The following CSMD3 variants were observed in gnomAD, a reference collection of about 807,000 sequenced individuals.
The protein encoded by CSMD3 is CUB and Sushi multiple domains 3, also known as CUB and sushi domain-containing protein 3.
CSMD3 carries 177 observed loss-of-function variants against 435.2 expected under a neutral mutation model. That is an observed-to-expected ratio of 0.41 (90% CI 0.36 to 0.46). The LOEUF is 0.46. CSMD3 is among the 20% of genes least tolerant of loss of function. The probability of loss-of-function intolerance (pLI) is 0.34; values close to 1 mark genes in which losing one functional copy is unlikely to be tolerated. For missense variants in CSMD3, 4,265 were observed against 4,504.6 expected (o/e 0.95, Z 1.52); for synonymous variants, 1,656 against 1,520.5 (o/e 1.09, Z -2.07).
chr8:112,370,082 A>AAGAAGAAGAAGTAGT (rs1285510394), intron 38 of CSMD3, among the ~76,000 whole-genome samples: 18 of 103,534 alleles, frequency 1.7e-4, no homozygotes, highest in Admixed American at 2.9e-4. Flanking sequence ...GAAGAAGAAG[A>AAGAAGAAGAAGTAGT]AGTAGTAGTA....
At chr8:112,508,112 C>T (rs1474616302) in intron 28 of CSMD3, among the ~76,000 whole-genome samples, 1 of 152,054 alleles carries the variant, frequency 6.6e-6, no homozygotes, top group Non-Finnish European at 1.5e-5. Flanking sequence ...TCACATAATC[C>T]CTCTCCCTTA....
At chr8:113,041,188 A>AGAGT (rs2087594740) in intron 5 of CSMD3, among the ~76,000 whole-genome samples, 1 of 119,372 alleles carries the variant, frequency 8.4e-6, no homozygotes, top group Non-Finnish European at 1.6e-5. Context: ...CCTGGGTAAG[A>AGAGT]GAGTGAGACT....
rs2130988033 is a variant in CSMD3 at position 112,517,087 on chromosome 8, C to A, written c.4703G>T (p.Cys1568Phe). 1.2e-6 allele frequency: 2 copies of A among 1,613,876 alleles called. No homozygotes were observed. Among genetic ancestry groups the A allele is most frequent in the Non-Finnish European group, 1.7e-6 (2 of 1,179,906 alleles). Reference sequence around the variant, plus strand: ...GAAGTACCGATTTTCTACCTGAATGCAGGTTATTCTTTCCTCTCCTTGAAG... The same window carrying A: ...GAAGTACCGATTTTCTACCTGAATGAAGGTTATTCTTTCCTCTCCTTGAAG... ...YELQGEERIT[C>F]IQVENRYFWQ... is the part of the protein sequence containing the mutation. The change falls in exon 28 of 71, where the codon TGC becomes TTC. Residue 1568 changes from cysteine to phenylalanine, a missense_variant. This residue lies in a region of CSMD3 where 3,255 missense variants were observed against 3,380.2 expected (regional missense o/e 0.96). Coordinates refer to ENST00000297405, the MANE Select transcript of CSMD3 (RefSeq NM_198123.2).
At chr8:113,418,436 A>G (rs551596081) in intron 1 of CSMD3, among the ~76,000 whole-genome samples, 2 of 152,298 alleles carry the variant, frequency 1.3e-5, no homozygotes, top group Admixed American at 6.5e-5. Context: ...AGTAAAATAT[A>G]TAGTTGGAGT....
At chr8:112,304,263 T>G (rs1440905307) in intron 52 of CSMD3, among the ~76,000 whole-genome samples, 2 of 152,136 alleles carry the variant, frequency 1.3e-5, no homozygotes, top group Non-Finnish European at 2.9e-5. Context: ...AGAATAAACA[T>G]GATATAACAT....
Position 112,430,435 on chromosome 8 carries a change from G to A in CSMD3, c.5396-21403C>T, listed in dbSNP as rs1261071792. Among the ~76,000 whole-genome samples, 10 of 151,986 alleles carry A rather than the reference G, an allele frequency of 6.6e-5. 1 individual carries two copies. The South Asian group carries it at 1.7e-3, about 25-fold the overall frequency. On this transcript the variant is annotated intron_variant, in intron 32 of 70. Coordinates refer to ENST00000297405, the MANE Select transcript of CSMD3 (RefSeq NM_198123.2). Reference sequence around the variant, plus strand: ...ATCACTATATATGCCAGATACTGACGGCAGGCCTGAAGCATGTGCGAATCC... The same window carrying A: ...ATCACTATATATGCCAGATACTGACAGCAGGCCTGAAGCATGTGCGAATCC...
chr8:112,440,765 C>T (rs1347958993), intron 32 of CSMD3, among the ~76,000 whole-genome samples: 1 of 152,130 alleles, frequency 6.6e-6, no homozygotes, highest in Non-Finnish European at 1.5e-5. Flanking sequence ...AGCAATGGCC[C>T]AGGCTATACC....
intron 21 of CSMD3, among the ~76,000 whole-genome samples, chr8:112,637,370 T>C (rs1013604658): frequency 6.6e-5 from 10 of 150,398 alleles, no homozygotes; most frequent in Non-Finnish European, 1.3e-4. Flanking sequence ...CAAAATAACA[T>C]TTGAAATGAA....
intron 12 of CSMD3, among the ~76,000 whole-genome samples, chr8:112,816,476 C>G (rs2079378549): frequency 6.6e-6 from 1 of 152,230 alleles, no homozygotes; most frequent in Non-Finnish European, 1.5e-5. Context: ...AAAATATCAC[C>G]TTTCGCCATA....
intron 66 of CSMD3, among the ~76,000 whole-genome samples, chr8:112,241,263 T>A (rs1231637455): frequency 6.6e-6 from 1 of 152,050 alleles, no homozygotes; most frequent in Non-Finnish European, 1.5e-5. Context: ...AAAGTTTATG[T>A]TTTTATTGAT....
intron 24 of CSMD3, among the ~76,000 whole-genome samples, chr8:112,562,898 A>G (rs1161702600): frequency 6.6e-6 from 1 of 151,768 alleles, no homozygotes; most frequent in East Asian, 2.0e-4. Flanking sequence ...TAGCTAACAT[A>G]CTTTCCCAAT....
chr8:112,380,378 G>A lies in CSMD3; in HGVS notation c.6110C>T (p.Ala2037Val). ...LNFQSDISVS[A>V]AGFHLEYTAI... is the part of the protein sequence containing the mutation. ...TGTGTATTCAAGATGAAATCCTGCA[G>A]CAGAAACACTGATGTCTGATTGAAA... Residue 2037 changes from alanine to valine, a missense_variant, in exon 38 of 71, where the codon GCT becomes GTT. By Grantham distance (64) the Ala-to-Val change is moderately conservative (BLOSUM62 0). Around this residue, in one of 3 missense-constraint regions of CSMD3, gnomAD observed 3,255 missense variants for 3,380.2 expected, o/e 0.96. Coordinates refer to ENST00000297405, the MANE Select transcript of CSMD3 (RefSeq NM_198123.2). 6.3e-7 allele frequency: 1 copy of A among 1,590,210 alleles called. No homozygotes were observed. Among genetic ancestry groups the A allele is most frequent in the Non-Finnish European group, 8.6e-7 (1 of 1,158,670 alleles).
At chr8:112,754,456 G>A (rs1226930885) in intron 13 of CSMD3, among the ~76,000 whole-genome samples, 1 of 151,776 alleles carries the variant, frequency 6.6e-6, no homozygotes, top group Non-Finnish European at 1.5e-5. Flanking sequence ...TCTCCCAGCA[G>A]TAATTTCAAG....
intron 13 of CSMD3, among the ~76,000 whole-genome samples, chr8:112,759,919 TG>T (rs2077796142): frequency 6.6e-6 from 1 of 152,146 alleles, no homozygotes; most frequent in African/African-American, 2.4e-5. Flanking sequence ...GTACTTTAAA[TG>T]TGCTTCTTTC....
At chr8:112,549,223 G>A (rs1198793379) in intron 27 of CSMD3, among the ~76,000 whole-genome samples, 2 of 151,786 alleles carry the variant, frequency 1.3e-5, no homozygotes, top group Admixed American at 6.6e-5. Context: ...AAATTAAGCC[G>A]CTCTCTGACA....
chr8:113,204,465 AG>A (rs2092749400), intron 3 of CSMD3, among the ~76,000 whole-genome samples: 1 of 152,142 alleles, frequency 6.6e-6, no homozygotes, highest in Admixed American at 6.6e-5. Flanking sequence ...AAAGTAAAAA[AG>A]TTATACTAAA....
In CSMD3 at chr8:113,397,821, AAAATAAATAAATAAATAAATAAAT is replaced by A. The variant is rs10615805; in HGVS notation, c.178+38832_178+38855del. On this transcript the variant is annotated intron_variant, in intron 1 of 70. Transcript: ENST00000297405. The stretch of plus-strand genomic sequence containing the variant: ...CGCGAAGGAGCGAGAGTCCGTCTCA[AAAATAAATAAATAAATAAATAAAT>A]AAATAAATAAATAAATAAATAAAGA... Among the ~76,000 whole-genome samples the A allele has an allele frequency of 2.5e-3, 364 of 143,142 alleles. 2 individuals are homozygous for A. Among genetic ancestry groups the A allele is most frequent in the African/African-American group, 8.9e-3 (346 of 38,696 alleles). 93.9% of individuals were successfully genotyped at this position (143,142 alleles called of 152,430 possible). A position where few individuals can be genotyped will look rare whatever the true frequency, so the allele number is the denominator to read the frequency against.
chr8:112,874,200 T>G (rs980908375), intron 10 of CSMD3, among the ~76,000 whole-genome samples: 1 of 152,212 alleles, frequency 6.6e-6, no homozygotes, highest in Non-Finnish European at 1.5e-5. Flanking sequence ...TTGTTCAGTT[T>G]CCATGTAGTT....
chr8:113,021,416 T>C (rs1248174387), intron 5 of CSMD3, among the ~76,000 whole-genome samples: 2 of 152,222 alleles, frequency 1.3e-5, no homozygotes, highest in Non-Finnish European at 2.9e-5. Flanking sequence ...TTGGTTTTGT[T>C]CAATTCCCTA....
Sources: allele counts gnomAD v4.1 joint callset (sites outside exome capture counted in the v4.1 genomes callset), GRCh38; gene constraint gnomAD v4.1.1; regional missense constraint gnomAD v4.1.1; transcripts MANE v1.5; gene names NCBI Gene and HGNC (gene_info 2026-07-23, HGNC 2026-07-21).